Variants in RNF168 observed in about 807,000 individuals in gnomAD.
RNF168 encodes E3 ubiquitin-protein ligase RNF168.
A neutral mutation model predicts 34.9 loss-of-function variants in RNF168; 34 were observed. That is an observed-to-expected ratio of 0.97 (90% CI 0.74 to 1.30). The LOEUF (loss-of-function observed/expected upper bound fraction) is 1.30. RNF168 is among the 50% of genes most tolerant of loss of function. The pLI, the probability that RNF168 is intolerant of heterozygous loss-of-function variation, is 0.00. For synonymous variants in RNF168, 264 were observed against 254.7 expected (o/e 1.04, Z -0.35); for missense variants, 725 against 682.5 (o/e 1.06, Z -0.69).
rs2108657094 is a variant in RNF168, at chr3:196,502,390, C to T, written c.301+483G>A. 2.6e-5 allele frequency among the ~76,000 whole-genome samples: 4 copies of T among 152,238 alleles called. No homozygotes were observed. In the South Asian group the frequency reaches 8.3e-4, roughly 32 times the overall value. On this transcript the variant is annotated intron_variant, in intron 1 of 5. Transcript: ENST00000318037. Reference sequence around the variant, plus strand: ...TCCCTTGAGGTCAGGAGTTTGAGATCAGCCTGGCCAACATGGTGAAATCCC... The same window carrying T: ...TCCCTTGAGGTCAGGAGTTTGAGATTAGCCTGGCCAACATGGTGAAATCCC...
chr3:196,500,770 G>C (rs1328191138), intron 1 of RNF168, among the ~76,000 whole-genome samples: 2 of 151,450 alleles, frequency 1.3e-5, no homozygotes, highest in Non-Finnish European at 2.9e-5. Context: ...GGAGTGCGGT[G>C]GCGTGATCTC....
In RNF168 at chr3:196,503,505, C is replaced by A. The variant is rs575929919; in HGVS notation, c.-332G>T. The A allele has an allele frequency of 5.2e-6, 2 of 384,982 alleles. No individual in the cohort carries two copies. Among genetic ancestry groups the A allele is most frequent in the Non-Finnish European group, 9.9e-6 (2 of 202,420 alleles). 23.8% of individuals were successfully genotyped at this position (384,982 alleles called of 1,614,324 possible). A position where few individuals can be genotyped will look rare whatever the true frequency, so the allele number is the denominator to read the frequency against. ...GCGGCTCCCGGGGCAGCGAGGGGAA[C>A]GCGCCAAGTCCTCTCCTCCCCTCAC... On this transcript the variant is annotated 5_prime_UTR_variant, in exon 1 of 6. Transcript: ENST00000318037.
chr3:196,485,627 T>C (rs1228263714), intron 3 of RNF168, among the ~76,000 whole-genome samples: 3 of 152,234 alleles, frequency 2.0e-5, no homozygotes, highest in South Asian at 2.1e-4. Flanking sequence ...AGTTTCCTGA[T>C]TGTGTATTTC....
chr3:196,497,300 T>C (rs754982508), intron 1 of RNF168, among the ~76,000 whole-genome samples: 19 of 152,158 alleles, frequency 1.2e-4, no homozygotes, highest in Admixed American at 3.3e-4. Flanking sequence ...GATACCCATA[T>C]GGGAAAAAGT....
intron 1 of RNF168, among the ~76,000 whole-genome samples, chr3:196,496,764 G>A (rs1165049069): frequency 2.0e-5 from 3 of 152,184 alleles, no homozygotes; most frequent in Non-Finnish European, 4.4e-5. Flanking sequence ...AGCACTTCAG[G>A]AGGCTGAGAC....
intron 1 of RNF168, among the ~76,000 whole-genome samples, chr3:196,497,948 G>C (rs1312339642): frequency 1.3e-5 from 2 of 152,128 alleles, no homozygotes; most frequent in Non-Finnish European, 2.9e-5. Context: ...GGGCAAAACT[G>C]TCAATAAGCA....
intron 4 of RNF168, among the ~76,000 whole-genome samples, chr3:196,476,501 C>T (rs1264986566): frequency 6.6e-6 from 1 of 151,758 alleles, no homozygotes; most frequent in East Asian, 1.9e-4. Flanking sequence ...ACTGCAACCC[C>T]GCCTCCCAGG....
At chr3:196,483,671 C>T in intron 4 of RNF168, 99 bp downstream of exon 4, 1 of 1,040,434 alleles carries the variant, frequency 9.6e-7, no homozygotes, top group Non-Finnish European at 1.5e-6. Flanking sequence ...ATACAAAGTT[C>T]ACGGACCAAA....
chr3:196,498,470 C>T (rs1732799426), intron 1 of RNF168, among the ~76,000 whole-genome samples: 1 of 152,018 alleles, frequency 6.6e-6, no homozygotes, highest in African/African-American at 2.4e-5. Context: ...TGTACCTATT[C>T]TACGTTGCGT....
chr3:196,475,392 G>A (rs908434312), intron 4 of RNF168, 80 bp from the exon 5 acceptor site: 9 of 832,078 alleles, frequency 1.1e-5, no homozygotes, highest in East Asian at 5.1e-5. Context: ...TATTTATACC[G>A]AAGGTTGTCT....
At chr3:196,486,846 A>G (rs1245001544) in intron 3 of RNF168, among the ~76,000 whole-genome samples, 1 of 152,228 alleles carries the variant, frequency 6.6e-6, no homozygotes, top group Non-Finnish European at 1.5e-5. Context: ...AGGCAGATGG[A>G]CGGCTTGAGC....
chr3:196,502,900 C>T lies in RNF168; in HGVS notation c.274G>A (p.Ala92Thr), dbSNP rs773636371. Reference protein sequence around the residue: ...KHYPRECKLRASGQESEEVAD... With the variant: ...KHYPRECKLRTSGQESEEVAD... Reference sequence around the variant, plus strand: ...ACTTCCTCTGATTCTTGGCCAGACGCTCTAAGCTTGCACTCCCTGGGATAG... The same window carrying T: ...ACTTCCTCTGATTCTTGGCCAGACGTTCTAAGCTTGCACTCCCTGGGATAG... The change falls in exon 1 of 6, where the codon GCG (alanine) becomes ACG (threonine). Residue 92 changes from alanine (A) to threonine (T), a missense_variant. Ala to Thr is a moderately conservative substitution (Grantham distance 58). Coordinates refer to ENST00000318037, the MANE Select transcript of RNF168 (RefSeq NM_152617.4). 1 of 1,614,124 alleles carries T rather than the reference C, an allele frequency of 6.2e-7. No individual in the cohort carries two copies. The highest frequency in any genetic ancestry group is 8.5e-7 in the Non-Finnish European group (1 of 1,179,980).
At chr3:196,483,742 C>A in intron 4 of RNF168, 28 bp downstream of exon 4, 2 of 1,597,246 alleles carry the variant, frequency 1.3e-6, no homozygotes, top group Non-Finnish European at 1.7e-6. Context: ...AGGAGGTCAA[C>A]AAATAATTCA....
At chr3:196,479,604 C>T (rs190597166) in intron 4 of RNF168, among the ~76,000 whole-genome samples, 24 of 151,298 alleles carry the variant, frequency 1.6e-4, no homozygotes, top group Admixed American at 6.6e-4. Context: ...CCCAGCCTCA[C>T]GCTTTTTTTT....
intron 1 of RNF168, among the ~76,000 whole-genome samples, chr3:196,490,254 T>G (rs924005504): frequency 6.6e-6 from 1 of 152,192 alleles, no homozygotes; most frequent in Non-Finnish European, 1.5e-5. Flanking sequence ...AATGTGGGTA[T>G]GTATCCTCAA....
intron 3 of RNF168, among the ~76,000 whole-genome samples, chr3:196,486,978 C>T (rs1732442428): frequency 6.6e-6 from 1 of 152,164 alleles, no homozygotes; most frequent in African/African-American, 2.4e-5. Context: ...ATCACCGGAG[C>T]CCGGCCGTCG....
Position 196,475,283 on chromosome 3 carries a change from G to T in RNF168, c.710C>A (p.Ser237Ter). 6.2e-7 allele frequency: 1 copy of T among 1,611,054 alleles called. No individual in the cohort carries two copies. Among genetic ancestry groups the T allele is most frequent in the Non-Finnish European group, 8.5e-7 (1 of 1,177,256 alleles). ...TTGTACAGCTTCAGAGTGTGAGGCT[G>T]ACCCAAACTGAGATTTCGGTGTCAA... ...KYLTPKSQFG[S>*]ASHSEAVQEV... is the part of the protein sequence containing the mutation. Residue 237 changes from serine (S) to a stop codon, truncating the protein, a stop_gained, in exon 5 of 6, where the codon TCA (serine) becomes TAA (stop). Coordinates refer to ENST00000318037, the MANE Select transcript of RNF168 (RefSeq NM_152617.4). LOFTEE classifies it high-confidence loss of function.
At chr3:196,475,065 T>G in intron 5 of RNF168, 166 bp downstream of exon 5, 2 of 600,274 alleles carry the variant, frequency 3.3e-6, no homozygotes, top group South Asian at 3.8e-5. Context: ...AATTGTAGTT[T>G]CCTTTGGAGA....
At chr3:196,492,275 G>A (rs918483433) in intron 1 of RNF168, among the ~76,000 whole-genome samples, 1 of 152,120 alleles carries the variant, frequency 6.6e-6, no homozygotes, top group Non-Finnish European at 1.5e-5. Context: ...GAGGCAGGAG[G>A]ACCACTTGAG....
Sources: allele counts gnomAD v4.1 joint callset (sites outside exome capture counted in the v4.1 genomes callset), GRCh38; gene constraint gnomAD v4.1.1; transcripts MANE v1.5; gene names NCBI Gene and HGNC (gene_info 2026-07-23, HGNC 2026-07-21).